Variants in DHX29 observed in about 807,000 individuals in gnomAD.
DHX29 encodes the protein ATP-dependent RNA helicase DHX29.
DHX29 carries 79 observed loss-of-function variants against 167.9 expected under a neutral mutation model. That is an observed-to-expected ratio of 0.47 (90% CI 0.39 to 0.57). The LOEUF is 0.57. Among genes scored for constraint, DHX29 ranks in the 20% least tolerant of loss-of-function variants. The pLI, the probability that DHX29 is intolerant of heterozygous loss-of-function variation, is 0.00. For missense variants in DHX29, 1,347 were observed against 1,593.4 expected, an observed-to-expected ratio of 0.85 and a Z score of 2.63; for synonymous variants, 530 against 546.0, an observed-to-expected ratio of 0.97 and a Z score of 0.41.
intron 12 of DHX29, among the ~76,000 whole-genome samples, chr5:55,278,736 C>A (rs571018562): frequency 6.6e-6 from 1 of 151,850 alleles, no homozygotes; most frequent in African/African-American, 2.4e-5. Flanking sequence ...AAGGAAGAAA[C>A]GGGATGAAAA....
intron 8 of DHX29, among the ~76,000 whole-genome samples, chr5:55,288,630 T>C (rs1455666196): frequency 6.6e-6 from 1 of 152,130 alleles, no homozygotes; most frequent in Non-Finnish European, 1.5e-5. Flanking sequence ...GTACTTGCTA[T>C]ATCAATAATT....
chr5:55,305,756 G>A (rs752234728), intron 1 of DHX29, among the ~76,000 whole-genome samples: 4 of 152,222 alleles, frequency 2.6e-5, no homozygotes, highest in Non-Finnish European at 5.9e-5. Context: ...GGAAAGAAGA[G>A]TGGTTTAGTA....
At chr5:55,256,628 C>T in intron 26 of DHX29, 88 bp from the exon 27 acceptor site, 2 of 1,227,504 alleles carry the variant, frequency 1.6e-6, no homozygotes, top group South Asian at 1.6e-5. Context: ...AGGTATATGT[C>T]ACTAAAAATT....
At chr5:55,289,023 T>C (rs1293109895) in intron 8 of DHX29, among the ~76,000 whole-genome samples, 2 of 152,202 alleles carry the variant, frequency 1.3e-5, no homozygotes, top group Non-Finnish European at 2.9e-5. Context: ...GAAAGATAAC[T>C]CTGGCAGCAG....
intron 21 of DHX29, among the ~76,000 whole-genome samples, chr5:55,268,200 T>C (rs1386539623): frequency 6.6e-6 from 1 of 152,220 alleles, no homozygotes; most frequent in Non-Finnish European, 1.5e-5. Flanking sequence ...CTAACTCAGT[T>C]ATCTTGGCCT....
At chr5:55,307,320 G>A (rs1376680958) in intron 1 of DHX29, 67 bp downstream of exon 1, 2 of 1,396,852 alleles carry the variant, frequency 1.4e-6, no homozygotes, top group Admixed American at 4.4e-5. Context: ...GGGTTCTAAG[G>A]CCCTTTCCTC....
Position 55,270,625 on chromosome 5 carries a change from A to C in DHX29, c.2946T>G (p.Ala982=). The change falls in exon 19 of 27, where the codon GCT becomes GCG. Residue 982 remains alanine, a synonymous_variant. Transcript: ENST00000251636. The part of the protein sequence containing the change: ...KASALQRQGR[A]GRVRDGFCFR... Reference sequence around the variant, plus strand: ...AACAGAAGCCATCTCTGACCCGCCCAGCTCTTCCCTGGCGCTGCAAAGCAC... The same window carrying C: ...AACAGAAGCCATCTCTGACCCGCCCCGCTCTTCCCTGGCGCTGCAAAGCAC... 1 of 1,614,212 alleles carries C rather than the reference A, an allele frequency of 6.2e-7. No homozygotes were observed. The highest frequency in any genetic ancestry group is 8.5e-7 in the Non-Finnish European group (1 of 1,180,032).
chr5:55,267,090 A>T, intron 23 of DHX29, 48 bp downstream of exon 23: 1 of 1,276,394 alleles, frequency 7.8e-7, no homozygotes, highest in Non-Finnish European at 1.1e-6. Flanking sequence ...AGAATAACTT[A>T]TTATAGTTAC....
intron 1 of DHX29, 52 bp from the exon 2 acceptor site, chr5:55,298,716 T>C (rs1748441876): frequency 3.2e-6 from 3 of 931,612 alleles, no homozygotes; most frequent in Non-Finnish European, 5.1e-6. Context: ...TATTACATTA[T>C]TTTAATTTTC....
chr5:55,276,372 C>T lies in DHX29; in HGVS notation c.2321G>A (p.Gly774Asp). The change falls in exon 14 of 27, where the codon GGC becomes GAC. Residue 774 changes from glycine (G) to aspartate (D), a missense_variant. Transcript: ENST00000251636. ...FHLEDIIEET[G>D]FVLEKDSEYC... ...TTCTGAGTCTTTTTCCAGTACAAAG[C>T]CTGTTTCTTCTATTATATCTTCAAG... 1 of 1,599,178 alleles carries T rather than the reference C, an allele frequency of 6.3e-7. No individual in the cohort carries two copies. Among genetic ancestry groups the T allele is most frequent in the Non-Finnish European group, 8.5e-7 (1 of 1,174,864 alleles).
Position 55,295,454 on chromosome 5 carries a change from A to G in DHX29, c.576T>C (p.Ser192=). 6.2e-7 allele frequency: 1 copy of G among 1,613,818 alleles called. No individual in the cohort carries two copies. The highest frequency in any genetic ancestry group is 8.5e-7 in the Non-Finnish European group (1 of 1,179,760). Reference sequence around the variant, plus strand: ...GTGAAATAGTGGCTTGTATTTGAGGAGACTGAAATTTAGGCCTACTTTTAG... The same window carrying G: ...GTGAAATAGTGGCTTGTATTTGAGGGGACTGAAATTTAGGCCTACTTTTAG... The part of the protein sequence containing the change: ...QQPKSRPKFQ[S]PQIQATISPP... Residue 192 remains serine, a synonymous_variant, in exon 5 of 27, where the codon TCT becomes TCC. Transcript: ENST00000251636.
Position 55,277,099 on chromosome 5 carries a change from A to G in DHX29, c.2286+7T>C. ...CTGCTTATACACACATTATAAAGAA[A>G]ACTTACCTCAACAGGATAACTTCTT... On this transcript the variant is annotated splice_region_variant and intron_variant, in intron 13 of 26. Transcript: ENST00000251636. 6.3e-7 allele frequency: 1 copy of G among 1,596,258 alleles called. No individual in the cohort carries two copies. The highest frequency in any genetic ancestry group is 1.8e-5 in the Admixed American group (1 of 56,708).
intron 12 of DHX29, 111 bp downstream of exon 12, chr5:55,281,261 G>T (rs1463851496): frequency 1.2e-6 from 1 of 813,732 alleles, no homozygotes; most frequent in East Asian, 3.5e-5. Context: ...TATATATAAG[G>T]TATATAATAA....
In DHX29 at chr5:55,285,855, T is replaced by C. The variant is rs1747694730; in HGVS notation, c.1073A>G (p.Lys358Arg). 10 of 1,553,206 alleles carry C rather than the reference T, an allele frequency of 6.4e-6. No homozygotes were observed. Among genetic ancestry groups the C allele is most frequent in the Non-Finnish European group, 7.9e-6 (9 of 1,144,306 alleles). Reference protein sequence around the residue: ...AAATEEEKDKKKEPHDVRNFD... With the variant: ...AAATEEEKDKRKEPHDVRNFD... The stretch of plus-strand genomic sequence containing the variant: ...ATTTCTTACATCATGAGGTTCTTTC[T>C]TTTTATCTAAAATGGTAAACAAAGA... The change falls in exon 9 of 27, where the codon AAG (lysine) becomes AGG (arginine). Residue 358 changes from lysine to arginine, a missense_variant. This residue lies in a region of DHX29 where 405 missense variants were observed against 416.8 expected (regional missense o/e 0.97). Coordinates refer to ENST00000251636, the MANE Select transcript of DHX29 (RefSeq NM_019030.4).
chr5:55,262,550 C>T, intron 24 of DHX29, 80 bp downstream of exon 24: 1 of 1,497,948 alleles, frequency 6.7e-7, no homozygotes, highest in South Asian at 1.3e-5. Flanking sequence ...AATAAAATAC[C>T]TGTTAGGGCA....
At chr5:55,303,449 T>C (rs1049848764) in intron 1 of DHX29, among the ~76,000 whole-genome samples, 3 of 151,974 alleles carry the variant, frequency 2.0e-5, no homozygotes, top group South Asian at 2.1e-4. Flanking sequence ...GCCAAGAAAA[T>C]AGATGAGGGT....
Position 55,307,318 on chromosome 5 carries a change from A to G in DHX29, c.187+69T>C. The stretch of plus-strand genomic sequence containing the variant: ...GGCCCGAAGCTCCTCCCGGGTTCTA[A>G]GGCCCTTTCCTCAGGACAAGCAGCA... On this transcript the variant is annotated intron_variant, in intron 1 of 26. Coordinates refer to ENST00000251636, the MANE Select transcript of DHX29 (RefSeq NM_019030.4). The G allele has an allele frequency of 1.5e-6, 2 of 1,377,854 alleles. 1 individual carries two copies. 85.4% of individuals were successfully genotyped at this position (1,377,854 alleles called of 1,614,324 possible).
At chr5:55,302,886 T>C (rs1200551411) in intron 1 of DHX29, among the ~76,000 whole-genome samples, 5 of 152,220 alleles carry the variant, frequency 3.3e-5, no homozygotes, top group East Asian at 1.9e-4. Flanking sequence ...TGGAGACTTT[T>C]ACAATTTTTG....
At chr5:55,287,951 A>AG (rs1293057432) in intron 8 of DHX29, among the ~76,000 whole-genome samples, 39 of 151,510 alleles carry the variant, frequency 2.6e-4, no homozygotes, top group Non-Finnish European at 5.2e-4. Flanking sequence ...AAAAAAAAAA[A>AG]AAAGAAAGAA....
Sources: gnomAD v4.1 joint callset for allele counts (sites outside exome capture counted in the v4.1 genomes callset) on GRCh38, gnomAD v4.1.1 for gene constraint, gnomAD v4.1.1 regional missense constraint, MANE v1.5 for transcripts, NCBI Gene and HGNC (gene_info 2026-07-23, HGNC 2026-07-21) for gene names.